ANKRD44: variants seen among roughly 807,000 people sequenced by gnomAD.
The protein encoded by ANKRD44 is serine/threonine-protein phosphatase 6 regulatory ankyrin repeat subunit B.
In ANKRD44, 35 loss-of-function variants were observed where a neutral mutation model predicts 116.0. The ratio of observed to expected loss-of-function variants is 0.30; its 90% CI spans 0.23 to 0.40. The LOEUF (loss-of-function observed/expected upper bound fraction) is 0.40. ANKRD44 is among the 10% of genes least tolerant of loss of function. The pLI, the probability that ANKRD44 is intolerant of heterozygous loss-of-function variation, is 1.00. For synonymous variants in ANKRD44, 435 were observed against 461.8 expected (o/e 0.94, Z 0.74); for missense variants, 1,014 against 1,242.6 (o/e 0.82, Z 2.77).
intron 8 of ANKRD44, 67 bp from the exon 9 acceptor site, chr2:197,110,911 A>G (rs746438311): frequency 5.8e-6 from 6 of 1,029,242 alleles, no homozygotes; most frequent in Non-Finnish European, 9.3e-6. Context: ...CATCTGAAAT[A>G]CCCCTATGGA....
rs528483653 is a variant in ANKRD44, at chr2:197,046,120, G to A, written c.1651-20853C>T. 2.0e-5 allele frequency among the ~76,000 whole-genome samples: 3 copies of A among 152,208 alleles called. No homozygotes were observed. In the South Asian group the frequency reaches 6.2e-4, roughly 32 times the overall value. On this transcript the variant is annotated intron_variant, in intron 16 of 27. Coordinates refer to ENST00000282272, the MANE Select transcript of ANKRD44 (RefSeq NM_001195144.2). ...TGCAATGTCATTTTATGGCCACATA[G>A]CATTCCAATAAATCAGTGCAATAGT...
In ANKRD44 at chr2:196,993,654, C is replaced by T. The variant is rs767303463; in HGVS notation, c.2852G>A (p.Arg951His). ...ALQTPLHVAA[R>H]NGLKVVVEEL... ...CTCAACTACCACCTTTAAGCCATTG[C>T]GCGCAGCGACGTGGAGGGGTCTAAA... The change falls in exon 27 of 28, where the codon CGC becomes CAC. Residue 951 changes from arginine (R) to histidine (H), a missense_variant. Arg to His is a conservative substitution (Grantham distance 29). Coordinates refer to ENST00000282272, the MANE Select transcript of ANKRD44 (RefSeq NM_001195144.2). 3.7e-5 allele frequency: 58 copies of T among 1,550,960 alleles called. No individual in the cohort carries two copies. Among genetic ancestry groups the T allele is most frequent in the Non-Finnish European group, 4.5e-5 (52 of 1,147,044 alleles).
intron 16 of ANKRD44, among the ~76,000 whole-genome samples, chr2:197,039,898 G>A (rs538106073): frequency 4.1e-4 from 63 of 152,256 alleles, no homozygotes; most frequent in African/African-American, 1.5e-3. Flanking sequence ...AATAGGCAAA[G>A]AGGATAATTT....
intron 23 of ANKRD44, among the ~76,000 whole-genome samples, chr2:196,999,616 T>TA (rs894187406): frequency 2.8e-5 from 4 of 142,188 alleles, no homozygotes; most frequent in Non-Finnish European, 6.2e-5. Flanking sequence ...ATTTTTGAGA[T>TA]AGAGTCTCAC....
chr2:197,116,787 A>G (rs2078721521), intron 8 of ANKRD44, among the ~76,000 whole-genome samples: 1 of 152,138 alleles, frequency 6.6e-6, no homozygotes. Context: ...GTTCTCTACC[A>G]GTCTGCCATG....
downstream of ANKRD44, among the ~76,000 whole-genome samples, chr2:196,983,450 C>G (rs2075816939): frequency 6.6e-6 from 1 of 152,166 alleles, no homozygotes; most frequent in Non-Finnish European, 1.5e-5. Flanking sequence ...TTGGCACTAG[C>G]CTTTTCCTCT....
intron 17 of ANKRD44, among the ~76,000 whole-genome samples, chr2:197,017,179 A>C (rs1224436996): frequency 1.3e-5 from 2 of 152,216 alleles, no homozygotes; most frequent in African/African-American, 4.8e-5. Flanking sequence ...AACAAAATCT[A>C]TCAAACTTTT....
At chr2:197,110,269 C>T (rs543423856) in intron 9 of ANKRD44, among the ~76,000 whole-genome samples, 6 of 152,292 alleles carry the variant, frequency 3.9e-5, no homozygotes, top group East Asian at 1.9e-4. Flanking sequence ...TGAGCCACCA[C>T]GCCCACCTAA....
intron 16 of ANKRD44, among the ~76,000 whole-genome samples, chr2:197,050,264 A>G (rs900526037): frequency 6.6e-6 from 1 of 152,146 alleles, no homozygotes; most frequent in African/African-American, 2.4e-5. Flanking sequence ...AACTGCTCTC[A>G]TGATCCAATC....
In ANKRD44 at chr2:196,988,890, CT is replaced by C; in HGVS notation, c.*700del. On this transcript the variant is annotated 3_prime_UTR_variant, in exon 28 of 28. Transcript: ENST00000282272. ...TACTTAGGGTAATTTCTAGATATTT[CT>C]TTGTGCTGCCTTTGTGTATATGATC... 6.1e-6 allele frequency: 6 copies of C among 985,416 alleles called. No homozygotes were observed. The highest frequency in any genetic ancestry group is 7.2e-6 in the Non-Finnish European group (6 of 829,940). 61.0% of individuals were successfully genotyped at this position (985,416 alleles called of 1,614,324 possible).
At chr2:197,211,779 A>G (rs959570074) in intron 1 of ANKRD44, among the ~76,000 whole-genome samples, 4 of 151,774 alleles carry the variant, frequency 2.6e-5, no homozygotes, top group Non-Finnish European at 4.4e-5. Flanking sequence ...TCATTAGGAG[A>G]TGCAGCAGGT....
At chr2:197,019,228 C>G (rs1383451081) in intron 17 of ANKRD44, among the ~76,000 whole-genome samples, 1 of 152,198 alleles carries the variant, frequency 6.6e-6, no homozygotes, top group East Asian at 1.9e-4. Flanking sequence ...CCTTTAGACT[C>G]TTGCTCTTCT....
chr2:197,198,398 G>C (rs867018262), intron 1 of ANKRD44, among the ~76,000 whole-genome samples: 56 of 152,302 alleles, frequency 3.7e-4, no homozygotes, highest in Middle Eastern at 3.4e-3. Flanking sequence ...GTCATAACAA[G>C]TTAGGAAACT....
intron 1 of ANKRD44, among the ~76,000 whole-genome samples, chr2:197,271,477 C>G (rs2082897397): frequency 6.6e-6 from 1 of 152,232 alleles, no homozygotes; most frequent in African/African-American, 2.4e-5. Context: ...TTATAAATTA[C>G]CCAGTCTAAG....
intron 1 of ANKRD44, among the ~76,000 whole-genome samples, chr2:197,220,948 T>C (rs767951724): frequency 6.6e-6 from 1 of 152,138 alleles, no homozygotes; most frequent in African/African-American, 2.4e-5. Flanking sequence ...ATTTGAATTA[T>C]TGTAAAAATA....
chr2:197,083,971 T>C (rs2077859744), intron 13 of ANKRD44, among the ~76,000 whole-genome samples: 3 of 152,212 alleles, frequency 2.0e-5, no homozygotes, highest in Non-Finnish European at 4.4e-5. Context: ...TTATTGCTTT[T>C]TTGGATCATT....
intron 12 of ANKRD44, among the ~76,000 whole-genome samples, chr2:197,087,798 A>G (rs1178758329): frequency 6.6e-6 from 1 of 152,116 alleles, no homozygotes; most frequent in African/African-American, 2.4e-5. Flanking sequence ...GGCAGATCCA[A>G]CTTGTGTGGC....
chr2:197,276,174 C>CT (rs1398391674), intron 1 of ANKRD44, among the ~76,000 whole-genome samples: 1 of 148,602 alleles, frequency 6.7e-6, no homozygotes, highest in African/African-American at 2.5e-5. Context: ...ACTTGGGAGG[C>CT]TGAAGCAGGA....
chr2:197,010,342 A>G (rs4850406), intron 18 of ANKRD44, among the ~76,000 whole-genome samples: 138,410 of 152,082 alleles, frequency 0.91, 63,052 homozygotes, highest in East Asian at 1. Context: ...CTTCCCAGGC[A>G]TCCTCGTGCC....
Sources: allele counts gnomAD v4.1 joint callset (sites outside exome capture counted in the v4.1 genomes callset), GRCh38; gene constraint gnomAD v4.1.1; transcripts MANE v1.5; gene names NCBI Gene and HGNC (gene_info 2026-07-23, HGNC 2026-07-21).